ITGBL1: variants seen among roughly 807,000 people sequenced by gnomAD.
ITGBL1 encodes the protein integrin beta-like protein 1.
A neutral mutation model predicts 68.5 loss-of-function variants in ITGBL1; 51 were observed. The observed-to-expected ratio is 0.74, with a 90% CI of 0.59 to 0.94. ITGBL1 has a LOEUF of 0.94. Among genes scored for constraint, ITGBL1 ranks in the 40% least tolerant of loss-of-function variants. The probability of loss-of-function intolerance (pLI) is 0.00; values close to 1 mark genes in which losing one functional copy is unlikely to be tolerated. For missense variants in ITGBL1, 649 were observed against 647.4 expected (o/e 1.00, Z -0.03); for synonymous variants, 209 against 227.3 (o/e 0.92, Z 0.72).
chr13:101,675,122 C>T (rs868761317), intron 7 of ITGBL1, among the ~76,000 whole-genome samples: 1 of 152,104 alleles, frequency 6.6e-6, no homozygotes, highest in African/African-American at 2.4e-5. Context: ...ATTTCATCAT[C>T]ATCTGGTTTG....
At chr13:101,463,711 G>A (rs1228494984) in intron 2 of ITGBL1, among the ~76,000 whole-genome samples, 1 of 151,928 alleles carries the variant, frequency 6.6e-6, no homozygotes, top group African/African-American at 2.4e-5. Flanking sequence ...ATCCCAAATA[G>A]GTTGATCCCA....
chr13:101,698,667 A>G (rs2139569558), intron 8 of ITGBL1, among the ~76,000 whole-genome samples: 1 of 152,356 alleles, frequency 6.6e-6, no homozygotes, highest in Middle Eastern at 3.4e-3. Flanking sequence ...CAGATAAGTC[A>G]CTATTTATAA....
intron 2 of ITGBL1, among the ~76,000 whole-genome samples, chr13:101,493,470 C>T (rs2048810207): frequency 6.6e-6 from 1 of 152,090 alleles, no homozygotes; most frequent in South Asian, 2.1e-4. Flanking sequence ...ACATTTTGCA[C>T]TCACTTTTAT....
At position 101,601,367 on chromosome 13, in the gene ITGBL1, T is replaced by C. The variant is rs376861229; in HGVS notation, c.1015+3068T>C. 2.2e-4 allele frequency among the ~76,000 whole-genome samples: 33 copies of C among 152,276 alleles called. 1 individual carries two copies. In the East Asian group the frequency reaches 5.8e-3, roughly 27 times the overall value. ...CTTGCTACCGGTCTATCAATTTTGTTGAACTTTTCAAAAAACCAGCTCCTG... is the reference window on the plus strand; with the variant it reads ...CTTGCTACCGGTCTATCAATTTTGTCGAACTTTTCAAAAAACCAGCTCCTG... On this transcript the variant is annotated intron_variant, in intron 7 of 10. Transcript: ENST00000376180.
At position 101,452,882 on chromosome 13, in the gene ITGBL1, C is replaced by T. The variant is rs1411641269; in HGVS notation, c.49C>T (p.Leu17Phe). The T allele has an allele frequency of 6.2e-7, 1 of 1,614,094 alleles. No homozygotes were observed. Among genetic ancestry groups the T allele is most frequent in the Non-Finnish European group, 8.5e-7 (1 of 1,180,046 alleles). ...RNFLLLASSL[L>F]FAGLSAVPQS... ...CTTCTTGCTGCTGGCGTCCTCCCTT[C>T]TCTTTGCTGGGTTGTCAGCTGTTCC... is the stretch of plus-strand genomic sequence containing the variant. Residue 17 changes from leucine (L) to phenylalanine (F), a missense_variant, in exon 1 of 11, where the codon CTC becomes TTC. By Grantham distance (22) the Leu-to-Phe change is conservative. Coordinates refer to ENST00000376180, the MANE Select transcript of ITGBL1 (RefSeq NM_004791.3).
intron 2 of ITGBL1, among the ~76,000 whole-genome samples, chr13:101,565,785 AAG>A (rs34982384): frequency 0.1 from 15,511 of 152,060 alleles, 1,289 homozygotes; most frequent in African/African-American, 0.23. Flanking sequence ...ATCTTCTGTG[AAG>A]AGAGTTTCAT....
intron 2 of ITGBL1, among the ~76,000 whole-genome samples, chr13:101,456,607 T>C (rs8000019): frequency 0.18 from 26,961 of 152,088 alleles, 2,736 homozygotes; most frequent in East Asian, 0.38. Flanking sequence ...TACTATATCA[T>C]GGAGTGATTA....
In ITGBL1 at chr13:101,516,462, C is replaced by A. The variant is rs540070343; in HGVS notation, c.317-51237C>A. 6.7e-4 allele frequency among the ~76,000 whole-genome samples: 102 copies of A among 152,270 alleles called. 1 individual carries two copies. In the South Asian group the frequency reaches 0.021, roughly 31 times the overall value. On this transcript the variant is annotated intron_variant, in intron 2 of 10. Coordinates refer to ENST00000376180, the MANE Select transcript of ITGBL1 (RefSeq NM_004791.3). ...CCTGATGATTCAGTGGGATTTTGATCTGATAATGTTCACCAGGCATTTGCA... is the reference window on the plus strand; with the variant it reads ...CCTGATGATTCAGTGGGATTTTGATATGATAATGTTCACCAGGCATTTGCA...
chr13:101,470,633 C>G (rs1039356064), intron 2 of ITGBL1, among the ~76,000 whole-genome samples: 5 of 152,086 alleles, frequency 3.3e-5, no homozygotes, highest in Non-Finnish European at 7.3e-5. Flanking sequence ...ACTAGGCAAC[C>G]TAGCAAGAGA....
chr13:101,538,839 A>C (rs1387803607), intron 2 of ITGBL1, among the ~76,000 whole-genome samples: 2 of 152,024 alleles, frequency 1.3e-5, no homozygotes, highest in African/African-American at 4.8e-5. Flanking sequence ...TTATGTGACA[A>C]ACACTCTTAA....
chr13:101,519,536 T>C (rs1227133156), intron 2 of ITGBL1, among the ~76,000 whole-genome samples: 1 of 152,090 alleles, frequency 6.6e-6, no homozygotes, highest in Non-Finnish European at 1.5e-5. Context: ...TGCCTGCCTG[T>C]CTTCCCTTCT....
At chr13:101,700,079 C>T (rs978179260) in intron 8 of ITGBL1, among the ~76,000 whole-genome samples, 7 of 152,174 alleles carry the variant, frequency 4.6e-5, no homozygotes, top group Non-Finnish European at 1.0e-4. Context: ...GTGCCATCCA[C>T]ATTTGTAAGC....
At chr13:101,573,422 G>A (rs1222543639) in intron 3 of ITGBL1, among the ~76,000 whole-genome samples, 1 of 152,094 alleles carries the variant, frequency 6.6e-6, no homozygotes, top group Non-Finnish European at 1.5e-5. Flanking sequence ...CAAGTGATCT[G>A]GGTAACAGAA....
chr13:101,605,031 T>G (rs1270973720), intron 7 of ITGBL1, among the ~76,000 whole-genome samples: 2 of 137,500 alleles, frequency 1.5e-5, no homozygotes, highest in Non-Finnish European at 3.1e-5. Flanking sequence ...TATATGTATA[T>G]ATACATATAC....
At chr13:101,591,670 C>G (rs1482789772) in intron 6 of ITGBL1, among the ~76,000 whole-genome samples, 3 of 152,148 alleles carry the variant, frequency 2.0e-5, no homozygotes, top group African/African-American at 7.2e-5. Flanking sequence ...CTAGTCTTTA[C>G]TGGAGGCCAA....
intron 2 of ITGBL1, among the ~76,000 whole-genome samples, chr13:101,465,445 C>G (rs186261068): frequency 4.7e-4 from 72 of 152,194 alleles, no homozygotes; most frequent in African/African-American, 1.7e-3. Context: ...TATTTTGCTT[C>G]TAATAATAAA....
chr13:101,514,975 C>T (rs915860239), intron 2 of ITGBL1, among the ~76,000 whole-genome samples: 3 of 152,004 alleles, frequency 2.0e-5, no homozygotes, highest in African/African-American at 7.2e-5. Context: ...TAAAGTTCAC[C>T]ATCAAATAGA....
intron 6 of ITGBL1, among the ~76,000 whole-genome samples, chr13:101,587,217 G>A (rs1312155474): frequency 6.6e-6 from 1 of 152,014 alleles, no homozygotes; most frequent in Non-Finnish European, 1.5e-5. Flanking sequence ...AATATTTTAT[G>A]CCTAACACAT....
At chr13:101,606,069 G>GAT (rs1254772006) in intron 7 of ITGBL1, among the ~76,000 whole-genome samples, 35 of 131,608 alleles carry the variant, frequency 2.7e-4, no homozygotes, top group African/African-American at 6.2e-4. Context: ...ATATATATGT[G>GAT]ATATATATAT....
Sources: allele counts gnomAD v4.1 joint callset (sites outside exome capture counted in the v4.1 genomes callset), GRCh38; gene constraint gnomAD v4.1.1; transcripts MANE v1.5; gene names NCBI Gene and HGNC (gene_info 2026-07-23, HGNC 2026-07-21).